The following AGMO variants were observed in gnomAD, a reference collection of about 807,000 sequenced individuals.
AGMO encodes the protein glyceryl-ether monooxygenase.
Under a neutral mutation model 60.2 loss-of-function variants are expected in AGMO, and 75 were observed. The observed-to-expected ratio is 1.25, with a 90% CI of 1.03 to 1.51. The LOEUF is 1.51. Ranked by LOEUF, AGMO falls within the 40% of genes most tolerant of loss-of-function variation. The pLI, the probability that AGMO is intolerant of heterozygous loss-of-function variation, is 0.00. For synonymous variants in AGMO, 261 were observed against 177.1 expected, an observed-to-expected ratio of 1.47 and a Z score of -3.76; for missense variants, 763 against 525.5, an observed-to-expected ratio of 1.45 and a Z score of -4.42.
intron 2 of AGMO, among the ~76,000 whole-genome samples, chr7:15,549,064 C>T (rs1583676973): frequency 6.6e-6 from 1 of 150,488 alleles, no homozygotes; most frequent in Non-Finnish European, 1.5e-5. Flanking sequence ...TCCAGCCAAA[C>T]TAAGCTTCAT....
At chr7:15,417,260 G>A (rs907757611) in intron 5 of AGMO, among the ~76,000 whole-genome samples, 1 of 152,110 alleles carries the variant, frequency 6.6e-6, no homozygotes, top group Non-Finnish European at 1.5e-5. Context: ...GCCACTTGGA[G>A]GTTCTTGGCA....
At chr7:15,209,152 T>G (rs1374355390) in intron 12 of AGMO, among the ~76,000 whole-genome samples, 1 of 152,218 alleles carries the variant, frequency 6.6e-6, no homozygotes, top group African/African-American at 2.4e-5. Context: ...ATTTTCAGTG[T>G]ATTCCAAAGA....
At chr7:15,449,268 G>A (rs911483831) in intron 3 of AGMO, among the ~76,000 whole-genome samples, 1 of 152,082 alleles carries the variant, frequency 6.6e-6, no homozygotes, top group African/African-American at 2.4e-5. Context: ...TAGAGTTTCT[G>A]TCTGAATGTT....
At chr7:15,390,397 G>A (rs1784086808) in intron 8 of AGMO, among the ~76,000 whole-genome samples, 1 of 152,066 alleles carries the variant, frequency 6.6e-6, no homozygotes, top group Admixed American at 6.6e-5. Context: ...CATATTTCAG[G>A]TCCATTCTGA....
rs1182692677 is a variant in AGMO, at chr7:15,200,801, G to A, written c.*484C>T. The A allele has an allele frequency of 1.3e-5, 2 of 152,742 alleles. No homozygotes were observed. The highest frequency in any genetic ancestry group is 2.9e-5 in the Non-Finnish European group (2 of 68,526). 9.5% of individuals were successfully genotyped at this position (152,742 alleles called of 1,614,324 possible). A position where few individuals can be genotyped will look rare whatever the true frequency, so the allele number is the denominator to read the frequency against. On this transcript the variant is annotated 3_prime_UTR_variant, in exon 13 of 13. Transcript: ENST00000342526. ...AGCCACCGCGCCTGGCCTCAGTGAT[G>A]TCTTTTTCTGGAATGCAGCTTCTTA...
chr7:15,204,159 A>G (rs1307201717), intron 12 of AGMO, among the ~76,000 whole-genome samples: 4 of 152,142 alleles, frequency 2.6e-5, no homozygotes, highest in Non-Finnish European at 5.9e-5. Context: ...GTGTTTATAT[A>G]TAAATATTAC....
chr7:15,370,945 T>TA, intron 10 of AGMO, among the ~76,000 whole-genome samples: 1 of 152,286 alleles, frequency 6.6e-6, no homozygotes, highest in South Asian at 2.1e-4. Context: ...TTTGAGGACT[T>TA]ACTCATAAAT....
chr7:15,216,864 G>GTGTA (rs1190155865), intron 12 of AGMO, among the ~76,000 whole-genome samples: 1 of 150,732 alleles, frequency 6.6e-6, no homozygotes, highest in South Asian at 2.1e-4. Flanking sequence ...GTGTGTGTGT[G>GTGTA]TACACATGCA....
intron 12 of AGMO, among the ~76,000 whole-genome samples, chr7:15,244,323 T>G (rs960146323): frequency 2.0e-5 from 3 of 152,144 alleles, no homozygotes; most frequent in Non-Finnish European, 4.4e-5. Context: ...GATTCATTGT[T>G]GATTGTTTAT....
At chr7:15,118,275 A>G in the AGMO span, among the ~76,000 whole-genome samples, 1 of 152,096 alleles carries the variant, frequency 6.6e-6, no homozygotes, top group Non-Finnish European at 1.5e-5. Flanking sequence ...ATACAATTCT[A>G]TAGTCTGAAC....
intron 12 of AGMO, among the ~76,000 whole-genome samples, chr7:15,298,778 A>G (rs1784473704): frequency 6.6e-6 from 1 of 152,176 alleles, no homozygotes; most frequent in East Asian, 1.9e-4. Context: ...CCAATCTAAT[A>G]GAGAAACAAT....
At chr7:15,372,833 A>T (rs960263085) in intron 10 of AGMO, among the ~76,000 whole-genome samples, 1 of 152,194 alleles carries the variant, frequency 6.6e-6, no homozygotes. Flanking sequence ...TAAAGTGCTA[A>T]ATTGAAATTA....
At chr7:15,238,569 A>G (rs916351212) in intron 12 of AGMO, among the ~76,000 whole-genome samples, 7 of 151,534 alleles carry the variant, frequency 4.6e-5, no homozygotes, top group Non-Finnish European at 8.8e-5. Context: ...CAATTAAAAT[A>G]ATTTTAAAAA....
chr7:15,278,516 C>T (rs1783864321), intron 12 of AGMO, among the ~76,000 whole-genome samples: 1 of 151,966 alleles, frequency 6.6e-6, no homozygotes, highest in South Asian at 2.1e-4. Flanking sequence ...GGTGACTGGC[C>T]TCTAGGCCAC....
rs183777864 is a variant in AGMO, at chr7:15,440,414, T to A, written c.410-9306A>T. On this transcript the variant is annotated intron_variant, in intron 3 of 12. Coordinates refer to ENST00000342526, the MANE Select transcript of AGMO (RefSeq NM_001004320.2). ...CTGTGAAGAGAAGGGAGAAATGAGG[T>A]TCATTTTCTCAAGAAATTAATGAGA... Among the ~76,000 whole-genome samples the A allele has an allele frequency of 1.8e-4, 27 of 152,238 alleles. No individual in the cohort carries two copies. The East Asian group carries it at 3.3e-3, about 19-fold the overall frequency.
At chr7:15,278,695 G>T (rs1013051354) in intron 12 of AGMO, among the ~76,000 whole-genome samples, 2 of 152,190 alleles carry the variant, frequency 1.3e-5, no homozygotes, top group Non-Finnish European at 2.9e-5. Flanking sequence ...AGATTTCGCT[G>T]TCCAGAACAT....
chr7:15,535,236 T>A (rs1583660320), intron 3 of AGMO, among the ~76,000 whole-genome samples: 1 of 152,088 alleles, frequency 6.6e-6, no homozygotes, highest in South Asian at 2.1e-4. Context: ...ATTTTCTATC[T>A]TTTGCTCACC....
At chr7:15,348,535 T>C (rs116837850) in intron 12 of AGMO, among the ~76,000 whole-genome samples, 1,625 of 152,230 alleles carry the variant, frequency 0.011, 35 homozygotes, top group African/African-American at 0.038. Context: ...ATTATAATTA[T>C]TCAGCAACAT....
At chr7:15,510,420 C>A (rs543526127) in intron 3 of AGMO, among the ~76,000 whole-genome samples, 1 of 151,984 alleles carries the variant, frequency 6.6e-6, no homozygotes, top group East Asian at 1.9e-4. Context: ...TCAAACAATC[C>A]TCTCGTCTCC....
Sources: allele counts gnomAD v4.1 joint callset (sites outside exome capture counted in the v4.1 genomes callset), GRCh38; gene constraint gnomAD v4.1.1; transcripts MANE v1.5; gene names NCBI Gene and HGNC (gene_info 2026-07-23, HGNC 2026-07-21).